Variants in ARHGEF28 observed in about 807,000 individuals in gnomAD.
ARHGEF28 encodes the protein 190 kDa guanine nucleotide exchange factor.
In ARHGEF28, 152 loss-of-function variants were observed where a neutral mutation model predicts 206.6. The observed-to-expected ratio is 0.74, with a 90% confidence interval of 0.64 to 0.84. ARHGEF28 has a LOEUF of 0.84. ARHGEF28 is among the 40% of genes least tolerant of loss of function. The probability of loss-of-function intolerance (pLI) is 0.00; values close to 1 mark genes in which losing one functional copy is unlikely to be tolerated. For synonymous variants in ARHGEF28, 763 were observed against 776.4 expected (o/e 0.98, Z 0.29); for missense variants, 2,028 against 2,073.2 (o/e 0.98, Z 0.42).
At chr5:73,860,940 T>C (rs2112618979) in intron 16 of ARHGEF28, among the ~76,000 whole-genome samples, 1 of 152,320 alleles carries the variant, frequency 6.6e-6, no homozygotes, top group East Asian at 1.9e-4. Flanking sequence ...TCTGCTATTT[T>C]GCCTGTGATC....
Position 73,773,872 on chromosome 5 carries a change from T to C in ARHGEF28, c.493T>C (p.Ser165Pro), listed in dbSNP as rs769998114. The change falls in exon 5 of 36, where the codon TCT (serine) becomes CCT (proline). Residue 165 changes from serine (S) to proline (P), a missense_variant. By Grantham distance (74) the Ser-to-Pro change is moderately conservative. Coordinates refer to ENST00000513042, the MANE Select transcript of ARHGEF28 (RefSeq NM_001177693.2). ...SSLEVSSHRE[S>P]LLHLAMRWGL... ...CTCTTCAGTATCTTCTCACAGAGAA[T>C]CTCTTCTACACCTGGCTATGAGATG... The C allele has an allele frequency of 2.5e-6, 4 of 1,603,508 alleles. No homozygotes were observed. The Admixed American group carries it at 6.9e-5, about 28-fold the overall frequency.
intron 9 of ARHGEF28, among the ~76,000 whole-genome samples, chr5:73,806,761 G>A (rs1428418320): frequency 5.4e-5 from 7 of 128,698 alleles, no homozygotes; most frequent in East Asian, 2.1e-4. Context: ...ACGATATATC[G>A]TATACATCTA....
intron 2 of ARHGEF28, among the ~76,000 whole-genome samples, chr5:73,696,812 A>G (rs561698752): frequency 2.6e-5 from 4 of 152,234 alleles, no homozygotes; most frequent in African/African-American, 7.2e-5. Flanking sequence ...GTGCCATTCA[A>G]TAAACAGCGG....
intron 20 of ARHGEF28, 115 bp from the exon 21 acceptor site, chr5:73,869,954 G>T: frequency 1.6e-6 from 2 of 1,278,572 alleles, no homozygotes; most frequent in Non-Finnish European, 2.2e-6. Context: ...TGGTTTAGTA[G>T]TTTCCATGTT....
intron 3 of ARHGEF28, among the ~76,000 whole-genome samples, chr5:73,751,238 C>T (rs760117205): frequency 3.9e-4 from 60 of 152,210 alleles, no homozygotes; most frequent in Non-Finnish European, 3.1e-4. Flanking sequence ...GGGGAAACCC[C>T]ATCTCTATTA....
intron 2 of ARHGEF28, among the ~76,000 whole-genome samples, chr5:73,738,006 C>T (rs1048402339): frequency 2.6e-5 from 4 of 152,266 alleles, no homozygotes; most frequent in East Asian, 1.9e-4. Context: ...GACCTGAAAG[C>T]GCTCTATGGT....
intron 26 of ARHGEF28, 135 bp from the exon 27 acceptor site, chr5:73,891,916 CT>C: frequency 2.6e-6 from 2 of 757,614 alleles, no homozygotes; most frequent in South Asian, 4.3e-5. Context: ...ATTGTATCAA[CT>C]TCTACAGCTC....
chr5:73,915,898 T>G (rs147835865), intron 35 of ARHGEF28, among the ~76,000 whole-genome samples: 100 of 152,304 alleles, frequency 6.6e-4, no homozygotes, highest in African/African-American at 2.2e-3. Context: ...ATGCATAGGC[T>G]AAAATGTAAG....
intron 2 of ARHGEF28, among the ~76,000 whole-genome samples, chr5:73,719,678 A>C (rs1749810816): frequency 6.6e-6 from 1 of 152,260 alleles, no homozygotes; most frequent in South Asian, 2.1e-4. Context: ...GATGCACATC[A>C]TGATTTTTCA....
chr5:73,782,098 A>C (rs2112462805), intron 7 of ARHGEF28, among the ~76,000 whole-genome samples: 1 of 151,330 alleles, frequency 6.6e-6, no homozygotes, highest in Non-Finnish European at 1.5e-5. Context: ...TTTGTCAGAT[A>C]CTATGATCTT....
In ARHGEF28 at chr5:73,840,772, TA is replaced by T; in HGVS notation, c.1427+13del. The T allele has an allele frequency of 6.3e-7, 1 of 1,598,238 alleles. No individual in the cohort carries two copies. Among genetic ancestry groups the T allele is most frequent in the Non-Finnish European group, 8.5e-7 (1 of 1,171,798 alleles). On this transcript the variant is annotated intron_variant, in intron 11 of 35. Transcript: ENST00000513042. ...CTAAAGAAAAGAAGGTAAGAGTCTA[TA>T]TTGTAGAGGAAAACTGTAGAACATC...
intron 1 of ARHGEF28, among the ~76,000 whole-genome samples, chr5:73,629,401 A>T (rs920684477): frequency 6.6e-6 from 1 of 151,702 alleles, no homozygotes; most frequent in African/African-American, 2.4e-5. Context: ...CAGCTACTTG[A>T]GAGGCAGAGT....
intron 1 of ARHGEF28, among the ~76,000 whole-genome samples, chr5:73,680,765 T>A (rs776227312): frequency 2.6e-5 from 4 of 152,238 alleles, no homozygotes; most frequent in Admixed American, 6.5e-5. Flanking sequence ...TACTTTTTTC[T>A]AAGTGTACAG....
intron 2 of ARHGEF28, among the ~76,000 whole-genome samples, chr5:73,742,183 G>A (rs752982954): frequency 6.6e-6 from 1 of 151,898 alleles, no homozygotes; most frequent in African/African-American, 2.4e-5. Flanking sequence ...TAAGCTTTCT[G>A]TGTTATTTTT....
rs149547597 is a variant in ARHGEF28 at position 73,774,699 on chromosome 5, G to A, written c.659+661G>A. Among the ~76,000 whole-genome samples, 22 of 152,124 alleles carry A rather than the reference G, an allele frequency of 1.4e-4. No individual in the cohort carries two copies. The East Asian group carries it at 4.2e-3, about 29-fold the overall frequency. ...TCCAGTGAATAATGAGTGTATTGTTGGTTACTTAGAAAGGTTCAGGTCAGC... is the reference window on the plus strand; with the variant it reads ...TCCAGTGAATAATGAGTGTATTGTTAGTTACTTAGAAAGGTTCAGGTCAGC... On this transcript the variant is annotated intron_variant, in intron 5 of 35. Coordinates refer to ENST00000513042, the MANE Select transcript of ARHGEF28 (RefSeq NM_001177693.2).
intron 35 of ARHGEF28, chr5:73,923,240 A>G: frequency 1.5e-6 from 2 of 1,357,566 alleles, no homozygotes; most frequent in Non-Finnish European, 2.0e-6. Context: ...GGTTTTTAAA[A>G]TGTTTTGGTT....
chr5:73,680,559 C>T (rs1747018236), intron 1 of ARHGEF28, among the ~76,000 whole-genome samples: 1 of 148,054 alleles, frequency 6.8e-6, no homozygotes, highest in Non-Finnish European at 1.5e-5. Flanking sequence ...ACATTGGGTA[C>T]AGTGTACACT....
intron 9 of ARHGEF28, among the ~76,000 whole-genome samples, chr5:73,830,193 T>C (rs527366289): frequency 6.6e-6 from 1 of 152,302 alleles, no homozygotes; most frequent in Admixed American, 6.5e-5. Flanking sequence ...AGAATATGTT[T>C]TTGAACCAAA....
At chr5:73,775,706 G>A (rs139895399) in intron 5 of ARHGEF28, among the ~76,000 whole-genome samples, 100 of 152,252 alleles carry the variant, frequency 6.6e-4, no homozygotes, top group Middle Eastern at 3.4e-3. Context: ...ACATGCTGAG[G>A]TATGCTGTAA....
Sources: allele counts gnomAD v4.1 joint callset (sites outside exome capture counted in the v4.1 genomes callset), GRCh38; gene constraint gnomAD v4.1.1; transcripts MANE v1.5; gene names NCBI Gene and HGNC (gene_info 2026-07-23, HGNC 2026-07-21).